The following ANAPC15 variants were observed in gnomAD, a reference collection of about 807,000 sequenced individuals.
ANAPC15 encodes the protein anaphase-promoting complex subunit 15.
ANAPC15 carries 13 observed loss-of-function variants against 19.8 expected under a neutral mutation model. The observed-to-expected ratio is 0.66, with a 90% CI of 0.43 to 1.04. ANAPC15 has a LOEUF of 1.04. Ranked by LOEUF, ANAPC15 falls within the 50% of genes least tolerant of loss-of-function variation. The pLI is 0.00. For synonymous variants in ANAPC15, 45 were observed against 50.7 expected, an observed-to-expected ratio of 0.89 and a Z score of 0.47; for missense variants, 88 against 150.3, an observed-to-expected ratio of 0.59 and a Z score of 2.17.
intron 5 of ANAPC15, 72 bp from the exon 6 acceptor site, chr11:72,110,000 G>A: frequency 1.2e-6 from 2 of 1,613,796 alleles, no homozygotes; most frequent in Non-Finnish European, 1.7e-6. Context: ...CCCCTGGCTG[G>A]ATCCAGGGTT....
At chr11:72,109,574 G>A (rs1946143059), downstream of ANAPC15, 3 of 499,460 alleles carry the variant, frequency 6.0e-6, no homozygotes, top group Non-Finnish European at 7.3e-6. Context: ...AACAAATAGG[G>A]AATAGACATG....
At chr11:72,111,352 T>C (rs937768306) in intron 2 of ANAPC15, 60 bp downstream of exon 2, 22 of 1,298,338 alleles carry the variant, frequency 1.7e-5, no homozygotes, top group Non-Finnish European at 2.4e-5. Flanking sequence ...TGTAATTTGA[T>C]TTAGGGATAG....
chr11:72,108,900 AGCTCACCTATGCTG>A, downstream of ANAPC15: 1 of 1,547,294 alleles, frequency 6.5e-7, no homozygotes, highest in Non-Finnish European at 8.7e-7. Flanking sequence ...GGAATAGCTC[AGCTCACCTATGCTG>A]GACCAGGCTG....
chr11:72,110,299 T>A (rs1946391063), intron 4 of ANAPC15, 74 bp from the exon 5 acceptor site: 2 of 1,603,222 alleles, frequency 1.2e-6, no homozygotes, highest in Non-Finnish European at 1.7e-6. Flanking sequence ...CACTTGAGCC[T>A]CTCTCTAGGG....
chr11:72,108,015 C>T (rs1396507334), downstream of ANAPC15: 4 of 1,551,648 alleles, frequency 2.6e-6, no homozygotes, highest in Admixed American at 3.9e-5. Flanking sequence ...GCTTATTGCC[C>T]GAGCCCTGCC....
At chr11:72,107,111 T>G, downstream of ANAPC15, 1 of 301,684 alleles carries the variant, frequency 3.3e-6, no homozygotes. Flanking sequence ...TACAAAAAAT[T>G]TAAAAATTAG....
upstream of ANAPC15, chr11:72,112,762 G>GT (rs570120499): frequency 1.8e-4 from 83 of 456,400 alleles, no homozygotes; most frequent in East Asian, 1.1e-3. Context: ...GTCTCCTTTT[G>GT]TTTTCCCCGC....
At chr11:72,109,478 C>A (rs1290943997), downstream of ANAPC15, 1 of 389,160 alleles carries the variant, frequency 2.6e-6, no homozygotes, top group Non-Finnish European at 5.0e-6. Flanking sequence ...CTCTGGCCCA[C>A]CTAGCCAATT....
At chr11:72,108,328 G>A (rs1443824920), downstream of ANAPC15, among the ~76,000 whole-genome samples, 1 of 152,224 alleles carries the variant, frequency 6.6e-6, no homozygotes, top group Non-Finnish European at 1.5e-5. Context: ...TAAGAGGAAG[G>A]TCTCTGGAAC....
In ANAPC15 at chr11:72,109,815, G is replaced by A. The variant is rs867976634; in HGVS notation, c.*66C>T. On this transcript the variant is annotated 3_prime_UTR_variant, in exon 6 of 6. Coordinates refer to ENST00000227618, the MANE Select transcript of ANAPC15 (RefSeq NM_014042.3). ...CAGCTGGTTCTGTGGGCAGGGGTTG[G>A]GGGTTGGGATGCAGGGTAGTTTGGG... is the stretch of plus-strand genomic sequence containing the variant. 1 of 1,596,526 alleles carries A rather than the reference G, an allele frequency of 6.3e-7. No homozygotes were observed. The highest frequency in any genetic ancestry group is 8.6e-7 in the Non-Finnish European group (1 of 1,165,782).
downstream of ANAPC15, chr11:72,107,251 A>G (rs780991232): frequency 1.7e-6 from 1 of 597,012 alleles, no homozygotes; most frequent in Non-Finnish European, 3.0e-6. Flanking sequence ...TGGGCAACAC[A>G]GCAAGACTTG....
chr11:72,110,280 G>A, intron 4 of ANAPC15, 55 bp from the exon 5 acceptor site: 1 of 1,607,394 alleles, frequency 6.2e-7, no homozygotes. Context: ...ACCAGTTCAA[G>A]AACTGACCCA....
chr11:72,110,047 G>C (rs1308189546), intron 5 of ANAPC15, 41 bp downstream of exon 5: 2 of 1,614,078 alleles, frequency 1.2e-6, no homozygotes, highest in Middle Eastern at 1.6e-4. Flanking sequence ...TCAGGAGCAA[G>C]GGTCCAGGAA....
chr11:72,107,891 A>G, downstream of ANAPC15: 1 of 1,551,006 alleles, frequency 6.4e-7, no homozygotes, highest in Non-Finnish European at 8.7e-7. Flanking sequence ...TCCATCTCCC[A>G]TGTCTTCTGC....
chr11:72,110,788 A>G, intron 3 of ANAPC15, 185 bp from the exon 4 acceptor site: 1 of 618,534 alleles, frequency 1.6e-6, no homozygotes. Context: ...AAATACTTAA[A>G]CTCTCTGAGC....
intron 1 of ANAPC15, 138 bp from the exon 2 acceptor site, chr11:72,111,634 A>G (rs1038298867): frequency 2.5e-5 from 5 of 196,168 alleles, no homozygotes; most frequent in Admixed American, 5.4e-5. Context: ...ATAGGAATCC[A>G]GAATGCAGAC....
downstream of ANAPC15, chr11:72,107,308 A>C (rs904908106): frequency 6.6e-6 from 4 of 605,474 alleles, no homozygotes; most frequent in Admixed American, 1.2e-4. Context: ...CAAGATCAGA[A>C]ATACATTTGA....
At chr11:72,110,478 A>G in intron 4 of ANAPC15, 66 bp downstream of exon 4, 1 of 1,601,228 alleles carries the variant, frequency 6.2e-7, no homozygotes, top group Admixed American at 1.7e-5. Flanking sequence ...CAGGACATTC[A>G]GAATTAGAGC....
At chr11:72,111,026 G>A (rs753511306) in intron 3 of ANAPC15, 131 bp downstream of exon 3, 737 of 702,824 alleles carry the variant, frequency 1.0e-3, no homozygotes, top group Non-Finnish European at 1.6e-3. Context: ...CTGGCTCCCA[G>A]CCCGATTATT....
Sources: allele counts gnomAD v4.1 joint callset (sites outside exome capture counted in the v4.1 genomes callset), GRCh38; gene constraint gnomAD v4.1.1; transcripts MANE v1.5; gene names NCBI Gene and HGNC (gene_info 2026-07-23, HGNC 2026-07-21).